The following MUC5B variants were observed in gnomAD, a reference collection of about 807,000 sequenced individuals.
MUC5B encodes the protein mucin-5B.
In MUC5B, 116 loss-of-function variants were observed where a neutral mutation model predicts 376.9. The ratio of observed to expected loss-of-function variants is 0.31; its 90% CI spans 0.26 to 0.36. The LOEUF is 0.36. Among genes scored for constraint, MUC5B ranks in the 10% least tolerant of loss-of-function variants. MUC5B has a pLI of 1.00. For synonymous variants in MUC5B, 3,517 were observed against 3,390.9 expected (o/e 1.04, Z -1.29); for missense variants, 7,165 against 7,769.9 (o/e 0.92, Z 2.93).
In MUC5B at chr11:1,252,841, G is replaced by C. The variant is rs376632079; in HGVS notation, c.15078G>C (p.Thr5026=). Residue 5026 remains threonine (T), a synonymous_variant, in exon 33 of 49, where the codon ACG becomes ACC. Transcript: ENST00000529681. The part of the protein sequence containing the change: ...VNETWTLENC[T]VARCVGDNRV... ...AGACCTGGACCCTGGAGAACTGCAC[G>C]GTGGCCAGGTGCGTGGGTGACAACC... The C allele has an allele frequency of 2.2e-4, 358 of 1,611,382 alleles. No homozygotes were observed. Among genetic ancestry groups the C allele is most frequent in the Non-Finnish European group, 2.9e-4 (345 of 1,179,396 alleles).
In MUC5B at chr11:1,226,197, A is replaced by C; in HGVS notation, c.128-8A>C. ...CACGTTCCTGGGGTGACCAGCCTTC[A>C]CCCACAGGTGCCCCGACGTCCTCGC... is the stretch of plus-strand genomic sequence containing the variant. On this transcript the variant is annotated splice_region_variant and splice_polypyrimidine_tract_variant and intron_variant, in intron 2 of 48. Coordinates refer to ENST00000529681, the MANE Select transcript of MUC5B (RefSeq NM_002458.3). 6.5e-7 allele frequency: 1 copy of C among 1,548,162 alleles called. No homozygotes were observed. The highest frequency in any genetic ancestry group is 1.2e-5 in the South Asian group (1 of 84,052).
rs2133843116 is a variant in MUC5B at position 1,250,743 on chromosome 11, A to T, written c.13863A>T (p.Thr4621=). Residue 4621 remains threonine, a synonymous_variant, in exon 31 of 49, where the codon ACA becomes ACT. Coordinates refer to ENST00000529681, the MANE Select transcript of MUC5B (RefSeq NM_002458.3). The part of the protein sequence containing the change: ...TALTPPVWIS[T]TTTPTTTTPT... Reference sequence around the variant, plus strand: ...TCACGCCTCCAGTGTGGATCAGCACAACCACCACACCCACAACCACCACAC... The same window carrying T: ...TCACGCCTCCAGTGTGGATCAGCACTACCACCACACCCACAACCACCACAC... 1 of 1,601,502 alleles carries T rather than the reference A, an allele frequency of 6.2e-7. No individual in the cohort carries two copies. Among genetic ancestry groups the T allele is most frequent in the South Asian group, 1.1e-5 (1 of 90,692 alleles).
In MUC5B at chr11:1,235,378, A is replaced by G. The variant is rs1391404245; in HGVS notation, c.2845A>G (p.Thr949Ala). ...GAACATCCCCTGTGGGACCACCGGC[A>G]CCACCTGCTCCAAGGCCATCAAGCT... ...TENIPCGTTG[T>A]TCSKAIKLFV... is the part of the protein sequence containing the mutation. The change falls in exon 23 of 49, where the codon ACC (threonine) becomes GCC (alanine). Residue 949 changes from threonine to alanine, a missense_variant. Thr to Ala is a moderately conservative substitution (Grantham distance 58, BLOSUM62 0). Coordinates refer to ENST00000529681, the MANE Select transcript of MUC5B (RefSeq NM_002458.3). 1 of 1,611,848 alleles carries G rather than the reference A, an allele frequency of 6.2e-7. No homozygotes were observed. Among genetic ancestry groups the G allele is most frequent in the African/African-American group, 1.3e-5 (1 of 74,540 alleles).
chr11:1,254,752 C>T lies in MUC5B; in HGVS notation c.15536C>T (p.Ser5179Phe). The T allele has an allele frequency of 6.2e-7, 1 of 1,612,946 alleles. No individual in the cohort carries two copies. Among genetic ancestry groups the T allele is most frequent in the Non-Finnish European group, 8.5e-7 (1 of 1,179,780 alleles). ...SGFSKNGVLV[S>F]VLGTTTMRVD... ...TTCAGCAAGAACGGCGTGCTTGTGTCTGTGCTGGGGACCACCACCATGCGT... is the reference window on the plus strand; with the variant it reads ...TTCAGCAAGAACGGCGTGCTTGTGTTTGTGCTGGGGACCACCACCATGCGT... The change falls in exon 35 of 49, where the codon TCT becomes TTT. Residue 5179 changes from serine to phenylalanine, a missense_variant. Physicochemically the swap from Ser to Phe is radical, Grantham distance 155. Transcript: ENST00000529681.
chr11:1,242,215 C>G lies in MUC5B; in HGVS notation c.5335C>G (p.Gln1779Glu). 1 of 1,613,732 alleles carries G rather than the reference C, an allele frequency of 6.2e-7. No individual in the cohort carries two copies. Among genetic ancestry groups the G allele is most frequent in the Non-Finnish European group, 8.5e-7 (1 of 1,179,886 alleles). The change falls in exon 31 of 49, where the codon CAG becomes GAG. Residue 1779 changes from glutamine (Q) to glutamate (E), a missense_variant. Gln to Glu is a conservative substitution (Grantham distance 29). This residue lies in a region of MUC5B where 897 missense variants were observed against 779.6 expected (regional missense o/e 1.15). Transcript: ENST00000529681. The stretch of plus-strand genomic sequence containing the variant: ...CCCCTTGACTAACACCACCACCAGC[C>G]AGGGCACGACCCGCTGTCAACCGAA... ...MSPLTNTTTSQGTTRCQPKCE... is the reference protein window; with the variant it reads ...MSPLTNTTTSEGTTRCQPKCE...
At chr11:1,232,184 A>G (rs1229540380) in intron 15 of MUC5B, 24 bp downstream of exon 15, 1 of 1,564,884 alleles carries the variant, frequency 6.4e-7, no homozygotes, top group Non-Finnish European at 8.7e-7. Flanking sequence ...CCACCCCCAC[A>G]GTCACCCCAG....
In MUC5B at chr11:1,253,107, G is replaced by A. The variant is rs2133847416; in HGVS notation, c.15217+127G>A. On this transcript the variant is annotated intron_variant, in intron 33 of 48. Coordinates refer to ENST00000529681, the MANE Select transcript of MUC5B (RefSeq NM_002458.3). The surrounding 1 kb of genome is among the most constrained non-coding windows in gnomAD (Gnocchi z 4.3). ...GCAGTGGGGAATGGTGGGGCATGGT[G>A]GGGCATGGTGGGGTGCAGTGGGGCA... is the stretch of plus-strand genomic sequence containing the variant. The A allele has an allele frequency of 1.9e-6, 2 of 1,063,032 alleles. No homozygotes were observed. Among genetic ancestry groups the A allele is most frequent in the South Asian group, 3.0e-5 (2 of 66,750 alleles). The allele number at this position is 1,063,032 out of a possible 1,614,324, so 65.8% of individuals were successfully genotyped here. A position where few individuals can be genotyped will look rare whatever the true frequency, so the allele number is the denominator to read the frequency against.
At position 1,261,810 on chromosome 11, in the gene MUC5B, C is replaced by A; in HGVS notation, c.*202C>A. 1.4e-6 allele frequency: 1 copy of A among 703,882 alleles called. No homozygotes were observed. Among genetic ancestry groups the A allele is most frequent in the Non-Finnish European group, 2.6e-6 (1 of 388,096 alleles). The allele number at this position is 703,882 out of a possible 1,614,324, so 43.6% of individuals were successfully genotyped here. On this transcript the variant is annotated 3_prime_UTR_variant, in exon 49 of 49. Coordinates refer to ENST00000529681, the MANE Select transcript of MUC5B (RefSeq NM_002458.3). ...AGCAGGACCCCTTTCGGGAGGGCGC[C>A]ACTCAGGAGTCCTACCCTGGGAGAG...
rs766491335 is a variant in MUC5B, at chr11:1,244,794, C to T, written c.7914C>T (p.Thr2638=). 110 of 1,612,624 alleles carry T rather than the reference C, an allele frequency of 6.8e-5. No homozygotes were observed. The East Asian group carries it at 2.2e-3, about 32-fold the overall frequency. Residue 2638 remains threonine, a synonymous_variant, in exon 31 of 49, where the codon ACC becomes ACT. Coordinates refer to ENST00000529681, the MANE Select transcript of MUC5B (RefSeq NM_002458.3). ...RTLPVWISTT[T]TPTTRGSTVT... The stretch of plus-strand genomic sequence containing the variant: ...TTCCAGTGTGGATCAGCACAACCAC[C>T]ACACCCACAACCAGAGGTTCCACGG...
At position 1,243,511 on chromosome 11, in the gene MUC5B, C is replaced by T. The variant is rs780225763; in HGVS notation, c.6631C>T (p.Arg2211Cys). 84 of 1,597,354 alleles carry T rather than the reference C, an allele frequency of 5.3e-5. No individual in the cohort carries two copies. Among genetic ancestry groups the T allele is most frequent in the Middle Eastern group, 4.5e-4 (2 of 4,478 alleles). ...GCCCCCCAGCAGTCCCCACACGGTG[C>T]GCACAGCCTGGACTTCGGCCACCTC... ...SLPPSSPHTVRTAWTSATSGI... is the reference protein window; with the variant it reads ...SLPPSSPHTVCTAWTSATSGI... The change falls in exon 31 of 49, where the codon CGC becomes TGC. Residue 2211 changes from arginine (R) to cysteine (C), a missense_variant. Around this residue, in one of 31 missense-constraint regions of MUC5B, gnomAD observed 67 missense variants for 103.0 expected, o/e 0.65. Coordinates refer to ENST00000529681, the MANE Select transcript of MUC5B (RefSeq NM_002458.3).
At chr11:1,261,093 T>A (rs549506254) in intron 48 of MUC5B, among the ~76,000 whole-genome samples, 1 of 152,106 alleles carries the variant, frequency 6.6e-6, no homozygotes, top group African/African-American at 2.4e-5. Context: ...GACCCTTAGC[T>A]AGAAGAGGCA....
intron 13 of MUC5B, 34 bp from the exon 14 acceptor site, chr11:1,231,389 C>T (rs773205585): frequency 1.3e-6 from 2 of 1,589,130 alleles, no homozygotes; most frequent in South Asian, 2.3e-5. Context: ...TGTCCCTGCA[C>T]CCCTGACCGG....
rs566782723 is a variant in MUC5B, at chr11:1,246,548, C to T, written c.9668C>T (p.Pro3223Leu). Reference protein sequence around the residue: ...SSSPGTATALPALRSTATTPT... With the variant: ...SSSPGTATALLALRSTATTPT... ...AGTCCAGGGACTGCAACCGCCCTTC[C>T]AGCACTGAGAAGCACAGCCACCACA... The change falls in exon 31 of 49, where the codon CCA becomes CTA. Residue 3223 changes from proline to leucine, a missense_variant. Physicochemically the swap from Pro to Leu is moderately conservative, Grantham distance 98 (BLOSUM62 -3). Transcript: ENST00000529681. 29 of 1,613,212 alleles carry T rather than the reference C, an allele frequency of 1.8e-5. No individual in the cohort carries two copies. Among genetic ancestry groups the T allele is most frequent in the South Asian group, 4.4e-5 (4 of 91,026 alleles).
rs1419323538 is a variant in MUC5B, at chr11:1,253,155, G to A, written c.15217+175G>A. On this transcript the variant is annotated intron_variant, in intron 33 of 48. Transcript: ENST00000529681. This position sits in a 1 kb window ranked among gnomAD's most constrained non-coding sequence, Gnocchi z 4.3. ...GCATGGTGGGGCATGGTGGGGTGTG[G>A]TGGTGGTGTTTGGGAGATCGCTGGC... 3 of 767,328 alleles carry A rather than the reference G, an allele frequency of 3.9e-6. No homozygotes were observed. The highest frequency in any genetic ancestry group is 3.4e-5 in the African/African-American group (2 of 58,476). The allele number at this position is 767,328 out of a possible 1,614,324, so 47.5% of individuals were successfully genotyped here.
Position 1,248,674 on chromosome 11 carries a change from G to A in MUC5B, c.11794G>A (p.Ala3932Thr), listed in dbSNP as rs1487964579. The A allele has an allele frequency of 6.3e-7, 1 of 1,595,642 alleles. No homozygotes were observed. Among genetic ancestry groups the A allele is most frequent in the Admixed American group, 1.8e-5 (1 of 56,398 alleles). ...CACAACTGTGGCCACTGGTTCTATG[G>A]CAACACCCTCCTCTAGCACACAGAC... ...TTTTVATGSM[A>T]TPSSSTQTSG... Residue 3932 changes from alanine (A) to threonine (T), a missense_variant, in exon 31 of 49, where the codon GCA (alanine) becomes ACA (threonine). Ala to Thr is a moderately conservative substitution (Grantham distance 58). Around this residue, in one of 31 missense-constraint regions of MUC5B, gnomAD observed 242 missense variants for 199.0 expected, o/e 1.22. Transcript: ENST00000529681.
Position 1,246,810 on chromosome 11 carries a change from T to A in MUC5B, c.9930T>A (p.Thr3310=), listed in dbSNP as rs752605788. 6.2e-7 allele frequency: 1 copy of A among 1,602,974 alleles called. No individual in the cohort carries two copies. The highest frequency in any genetic ancestry group is 8.5e-7 in the Non-Finnish European group (1 of 1,174,334). The change falls in exon 31 of 49, where the codon ACT becomes ACA. Residue 3310 remains threonine, a synonymous_variant. Transcript: ENST00000529681. ...PGTAHTTKVP[T]TTTTGFTATP... ...CAGCTCACACTACCAAAGTGCCGAC[T>A]ACCACAACCACGGGCTTCACAGCCA...
At position 1,247,338 on chromosome 11, in the gene MUC5B, G is replaced by A. The variant is rs1590184049; in HGVS notation, c.10458G>A (p.Glu3486=). 3 of 1,611,092 alleles carry A rather than the reference G, an allele frequency of 1.9e-6. No individual in the cohort carries two copies. The highest frequency in any genetic ancestry group is 2.2e-5 in the East Asian group (1 of 44,860). Reference sequence around the variant, plus strand: ...TCTTGGGCACCACCCACATCACAGAGCCTTCCACGGTGACTTCCCACACCC... The same window carrying A: ...TCTTGGGCACCACCCACATCACAGAACCTTCCACGGTGACTTCCCACACCC... ...SGILGTTHIT[E]PSTVTSHTPA... is the part of the protein sequence containing the mutation. Residue 3486 remains glutamate (E), a synonymous_variant, in exon 31 of 49, where the codon GAG becomes GAA. Transcript: ENST00000529681.
chr11:1,252,767 G>C, intron 32 of MUC5B, 42 bp from the exon 33 acceptor site: 1 of 1,558,172 alleles, frequency 6.4e-7, no homozygotes, highest in Non-Finnish European at 8.7e-7. Flanking sequence ...GATGGGTCCC[G>C]TGAGCTGGTC....
intron 12 of MUC5B, 32 bp downstream of exon 12, chr11:1,230,632 C>T (rs1862006088): frequency 6.4e-7 from 1 of 1,564,360 alleles, no homozygotes; most frequent in African/African-American, 1.3e-5. Flanking sequence ...TGGGCTGGGA[C>T]AGGAAGAGGC....
Sources: allele counts gnomAD v4.1 joint callset (sites outside exome capture counted in the v4.1 genomes callset), GRCh38; gene constraint gnomAD v4.1.1; regional missense constraint gnomAD v4.1.1; non-coding constraint Gnocchi (gnomAD v3.1); transcripts MANE v1.5; gene names NCBI Gene and HGNC (gene_info 2026-07-23, HGNC 2026-07-21).